CCDC40: variants seen among roughly 807,000 people sequenced by gnomAD.
CCDC40 encodes coiled-coil domain 40 molecular ruler complex subunit, also known as coiled-coil domain-containing protein 40.
CCDC40 carries 104 observed loss-of-function variants against 124.5 expected under a neutral mutation model. That is an observed-to-expected ratio of 0.84 (90% CI 0.71 to 0.98). The LOEUF (loss-of-function observed/expected upper bound fraction) is 0.98, where lower values mean the gene tolerates loss of function less well. Ranked by LOEUF, CCDC40 falls within the 50% of genes least tolerant of loss-of-function variation. The pLI is 0.00. For missense variants in CCDC40, 1,463 were observed against 1,503.9 expected, an observed-to-expected ratio of 0.97 and a Z score of 0.45; for synonymous variants, 580 against 602.9, an observed-to-expected ratio of 0.96 and a Z score of 0.56.
chr17:80,036,709 G>A lies in CCDC40; in HGVS notation c.29+18G>A. ...GCGGGCCGGTAAGCCGGGCCGAGGGGCAGCGGGTCTTGGAGTCGCCAGGCC... is the reference window on the plus strand; with the variant it reads ...GCGGGCCGGTAAGCCGGGCCGAGGGACAGCGGGTCTTGGAGTCGCCAGGCC... On this transcript the variant is annotated intron_variant, in intron 1 of 19. Coordinates refer to ENST00000397545, the MANE Select transcript of CCDC40 (RefSeq NM_017950.4). 2 of 1,464,988 alleles carry A rather than the reference G, an allele frequency of 1.4e-6. No homozygotes were observed. Among genetic ancestry groups the A allele is most frequent in the East Asian group, 2.8e-5 (1 of 35,216 alleles). 90.7% of individuals were successfully genotyped at this position (1,464,988 alleles called of 1,614,324 possible).
At chr17:80,090,717 A>G in intron 17 of CCDC40, 1 of 1,411,612 alleles carries the variant, frequency 7.1e-7, no homozygotes, top group South Asian at 1.5e-5. Flanking sequence ...AAAGGCTGGT[A>G]ATTAAATTGC....
intron 10 of CCDC40, among the ~76,000 whole-genome samples, chr17:80,069,159 C>G (rs1333312780): frequency 1.3e-5 from 2 of 152,152 alleles, no homozygotes; most frequent in African/African-American, 4.8e-5. Flanking sequence ...TTTCTCTTTC[C>G]CCATGCCTTT....
At chr17:80,062,339 A>G (rs542381912) in intron 9 of CCDC40, among the ~76,000 whole-genome samples, 1 of 152,254 alleles carries the variant, frequency 6.6e-6, no homozygotes, top group Admixed American at 6.5e-5. Context: ...GTTTTAGGGT[A>G]CACGTGCACG....
Position 80,081,783 on chromosome 17 carries a change from C to G in CCDC40, c.1800C>G (p.Asp600Glu), listed in dbSNP as rs965506812. 2.4e-5 allele frequency: 38 copies of G among 1,613,844 alleles called. 1 individual carries two copies. In the Admixed American group the frequency reaches 5.8e-4, roughly 25 times the overall value. The change falls in exon 11 of 20, where the codon GAC (aspartate) becomes GAG (glutamate). Residue 600 changes from aspartate (D) to glutamate (E), a missense_variant. Coordinates refer to ENST00000397545, the MANE Select transcript of CCDC40 (RefSeq NM_017950.4). Reference protein sequence around the residue: ...LQDTEDALSQDQLEQMILTEE... With the variant: ...LQDTEDALSQEQLEQMILTEE... ...ACACAGAGGATGCCCTCAGCCAGGA[C>G]CAGCTGGTGAGGCCGGGCCCGCCCC...
At position 80,038,113 on chromosome 17, in the gene CCDC40, C is replaced by G. The variant is rs767368809; in HGVS notation, c.30-10C>G. The stretch of plus-strand genomic sequence containing the variant: ...TGCTTGAAACTGTTCAATTGTTTCT[C>G]TAAAACCAGGTCCCATCCGGAAGAT... On this transcript the variant is annotated splice_polypyrimidine_tract_variant and intron_variant, in intron 1 of 19. Coordinates refer to ENST00000397545, the MANE Select transcript of CCDC40 (RefSeq NM_017950.4). 2 of 1,599,360 alleles carry G rather than the reference C, an allele frequency of 1.3e-6. No homozygotes were observed. The highest frequency in any genetic ancestry group is 2.2e-5 in the South Asian group (2 of 90,612).
rs1463411551 is a variant in CCDC40 at position 80,087,351 on chromosome 17, A to G, written c.2450-256A>G. ...GCCCACACCTGCTGGCTGTCCCCAC[A>G]GGCAGGTCCTCTCAGTTCCGTTGGA... On this transcript the variant is annotated intron_variant, in intron 14 of 19. Transcript: ENST00000397545. The surrounding 1 kb of genome is among the most constrained non-coding windows in gnomAD (Gnocchi z 4.5). 3 of 536,664 alleles carry G rather than the reference A, an allele frequency of 5.6e-6. No individual in the cohort carries two copies. The highest frequency in any genetic ancestry group is 1.0e-5 in the Non-Finnish European group (3 of 296,854). The allele number at this position is 536,664 out of a possible 1,614,324, so 33.2% of individuals were successfully genotyped here. A position where few individuals can be genotyped will look rare whatever the true frequency, so the allele number is the denominator to read the frequency against.
intron 4 of CCDC40, chr17:80,048,303 C>T: frequency 2.1e-6 from 1 of 473,804 alleles, no homozygotes; most frequent in African/African-American, 2.0e-5. Flanking sequence ...AAGTGGCCAC[C>T]TTTCTGTTCA....
rs184636776 is a variant in CCDC40 at position 80,077,508 on chromosome 17, G to A, written c.1563-4038G>A. Reference sequence around the variant, plus strand: ...ATTGCACTCCAGCCTGGGTGACAGAGCGAGACTCCGTCTCAAAAATAAACA... The same window carrying A: ...ATTGCACTCCAGCCTGGGTGACAGAACGAGACTCCGTCTCAAAAATAAACA... On this transcript the variant is annotated intron_variant, in intron 10 of 19. Transcript: ENST00000397545. Among the ~76,000 whole-genome samples, 31 of 152,340 alleles carry A rather than the reference G, an allele frequency of 2.0e-4. 1 individual carries two copies. In the East Asian group the frequency reaches 5.8e-3, roughly 28 times the overall value.
At position 80,087,857 on chromosome 17, in the gene CCDC40, AG is replaced by A; in HGVS notation, c.2619+83del. 7.1e-7 allele frequency: 1 copy of A among 1,401,938 alleles called. No homozygotes were observed. 86.8% of individuals were successfully genotyped at this position (1,401,938 alleles called of 1,614,324 possible). ...GTCCTTGCGGTGGGCGTTCTGCACCAGGATGTAATTTCCACACCCGTTCAAG... is the reference window on the plus strand; with the variant it reads ...GTCCTTGCGGTGGGCGTTCTGCACCAGATGTAATTTCCACACCCGTTCAAG... On this transcript the variant is annotated intron_variant, in intron 15 of 19. Coordinates refer to ENST00000397545, the MANE Select transcript of CCDC40 (RefSeq NM_017950.4). This position sits in a 1 kb window ranked among gnomAD's most constrained non-coding sequence, Gnocchi z 4.5.
intron 18 of CCDC40, 69 bp from the exon 19 acceptor site, chr17:80,097,176 G>A: frequency 6.4e-7 from 1 of 1,565,352 alleles, no homozygotes; most frequent in Non-Finnish European, 8.8e-7. Flanking sequence ...GGTCCTCCCA[G>A]CCTGACTCTT....
At chr17:80,090,782 C>A in intron 17 of CCDC40, 1 of 1,289,364 alleles carries the variant, frequency 7.8e-7, no homozygotes, top group Non-Finnish European at 9.8e-7. Flanking sequence ...AAGAGCAGTT[C>A]ATAAAATAAA....
At chr17:80,053,716 C>T (rs1038855969) in intron 7 of CCDC40, among the ~76,000 whole-genome samples, 42 of 152,280 alleles carry the variant, frequency 2.8e-4, no homozygotes, top group Admixed American at 2.4e-3. Flanking sequence ...CTTCAGCCTC[C>T]CAAGTAGCTG....
intron 7 of CCDC40, among the ~76,000 whole-genome samples, chr17:80,051,103 C>T (rs2037575990): frequency 6.6e-6 from 1 of 152,192 alleles, no homozygotes; most frequent in African/African-American, 2.4e-5. Flanking sequence ...TGACCGGGGA[C>T]AGTGGCTTCC....
At chr17:80,065,354 C>T (rs1441096459) in intron 9 of CCDC40, 131 bp from the exon 10 acceptor site, 2 of 1,240,256 alleles carry the variant, frequency 1.6e-6, no homozygotes, top group Admixed American at 1.7e-5. Context: ...TCTGCAGATG[C>T]ATGATCAAGG....
chr17:80,072,419 G>A (rs55938998), intron 10 of CCDC40, among the ~76,000 whole-genome samples: 17,761 of 152,146 alleles, frequency 0.12, 1,235 homozygotes, highest in East Asian at 0.24. Context: ...ACATTTCCCC[G>A]AGTGTTAGGA....
intron 7 of CCDC40, among the ~76,000 whole-genome samples, chr17:80,056,016 A>ATATATT (rs71163913): frequency 1.9e-4 from 2 of 10,258 alleles, no homozygotes; most frequent in African/African-American, 7.0e-4. Context: ...ATATATATAT[A>ATATATT]TTTTTTTTTT....
At chr17:80,083,194 C>T (rs2143739666) in intron 12 of CCDC40, among the ~76,000 whole-genome samples, 1 of 151,230 alleles carries the variant, frequency 6.6e-6, no homozygotes, top group South Asian at 2.1e-4. Flanking sequence ...GACTTGGAGC[C>T]ATAGCCCCTG....
At chr17:80,065,047 C>CCTCCCCCTCCTCCCT (rs1483224549) in intron 9 of CCDC40, among the ~76,000 whole-genome samples, 1 of 121,658 alleles carries the variant, frequency 8.2e-6, no homozygotes, top group East Asian at 2.7e-4. Flanking sequence ...CCGTCTTCCC[C>CCTCCCCCTCCTCCCT]CTCCCCCTCC....
intron 9 of CCDC40, among the ~76,000 whole-genome samples, chr17:80,061,740 T>G (rs555035495): frequency 6.6e-6 from 1 of 152,202 alleles, no homozygotes; most frequent in African/African-American, 2.4e-5. Flanking sequence ...CCCTACAGAG[T>G]TGGCAAAGAT....
Sources: allele counts gnomAD v4.1 joint callset (sites outside exome capture counted in the v4.1 genomes callset), GRCh38; gene constraint gnomAD v4.1.1; non-coding constraint Gnocchi (gnomAD v3.1); transcripts MANE v1.5; gene names NCBI Gene and HGNC (gene_info 2026-07-23, HGNC 2026-07-21).